CFAP299: variants seen among roughly 807,000 people sequenced by gnomAD.
CFAP299 encodes the protein cilia- and flagella-associated protein 299.
A neutral mutation model predicts 27.0 loss-of-function variants in CFAP299; 21 were observed. That is an observed-to-expected ratio of 0.78 (90% CI 0.55 to 1.12). CFAP299 has a LOEUF of 1.12. CFAP299 is among the 50% of genes most tolerant of loss of function. CFAP299 has a pLI of 0.00. For synonymous variants in CFAP299, 104 were observed against 98.1 expected, an observed-to-expected ratio of 1.06 and a Z score of -0.36; for missense variants, 310 against 276.6, an observed-to-expected ratio of 1.12 and a Z score of -0.86.
chr4:80,875,281 A>T (rs1733311640), intron 4 of CFAP299, among the ~76,000 whole-genome samples: 1 of 152,230 alleles, frequency 6.6e-6, no homozygotes, highest in African/African-American at 2.4e-5. Context: ...TGGCCTGCAC[A>T]ATTGTATGTA....
At chr4:80,743,249 A>G (rs1430343534) in intron 3 of CFAP299, among the ~76,000 whole-genome samples, 1 of 149,706 alleles carries the variant, frequency 6.7e-6, no homozygotes, top group Non-Finnish European at 1.5e-5. Flanking sequence ...TACAAAAAGA[A>G]AAAAAAAAGT....
intron 4 of CFAP299, among the ~76,000 whole-genome samples, chr4:80,877,890 G>A (rs1733499305): frequency 6.6e-6 from 1 of 151,780 alleles, no homozygotes; most frequent in African/African-American, 2.4e-5. Context: ...ATTCTCTTTT[G>A]GTATTTTGGT....
chr4:80,907,815 C>T (rs920549769), intron 4 of CFAP299, among the ~76,000 whole-genome samples: 1 of 152,078 alleles, frequency 6.6e-6, no homozygotes, highest in Non-Finnish European at 1.5e-5. Flanking sequence ...CAAACTTTGT[C>T]AGTTCTCGAA....
intron 4 of CFAP299, among the ~76,000 whole-genome samples, chr4:80,902,145 G>A (rs1405104917): frequency 1.3e-5 from 2 of 151,554 alleles, no homozygotes; most frequent in African/African-American, 4.8e-5. Context: ...TCTTCTATGA[G>A]AAAAATCTGA....
chr4:80,787,243 T>TATATAGTAA (rs1359171014), intron 3 of CFAP299, among the ~76,000 whole-genome samples: 2 of 148,616 alleles, frequency 1.3e-5, no homozygotes, highest in African/African-American at 2.4e-5. Flanking sequence ...ATAATATATA[T>TATATAGTAA]ATATAGTAAA....
At chr4:80,327,314 C>T in the CFAP299 span, among the ~76,000 whole-genome samples, 1 of 152,000 alleles carries the variant, frequency 6.6e-6, no homozygotes, top group Non-Finnish European at 1.5e-5. Flanking sequence ...AAGAAAACAG[C>T]ATGGCCATCA....
At chr4:80,403,943 GATT>G (rs1726288825) in intron 2 of CFAP299, among the ~76,000 whole-genome samples, 1 of 152,080 alleles carries the variant, frequency 6.6e-6, no homozygotes, top group Non-Finnish European at 1.5e-5. Context: ...GTAGCAGTAA[GATT>G]ATTTGTCATT....
chr4:80,384,371 AT>A (rs1724862821), intron 2 of CFAP299, among the ~76,000 whole-genome samples: 1 of 152,198 alleles, frequency 6.6e-6, no homozygotes, highest in African/African-American at 2.4e-5. Flanking sequence ...ATTCATAAAT[AT>A]TTTGAATAAT....
chr4:80,674,941 T>A (rs142895513), intron 3 of CFAP299, among the ~76,000 whole-genome samples: 251 of 152,302 alleles, frequency 1.6e-3, no homozygotes, highest in Non-Finnish European at 2.8e-3. Flanking sequence ...TTTCAAGGTT[T>A]TTAGCTTCCT....
chr4:80,383,141 T>G (rs933095761), intron 2 of CFAP299, among the ~76,000 whole-genome samples: 5 of 151,738 alleles, frequency 3.3e-5, no homozygotes, highest in Non-Finnish European at 7.4e-5. Flanking sequence ...CAGAACACAC[T>G]GACACAAAGA....
At chr4:80,364,089 A>AACACACACACACGCACACACACACACAC (rs1723691911) in intron 2 of CFAP299, among the ~76,000 whole-genome samples, 1 of 110,844 alleles carries the variant, frequency 9.0e-6, no homozygotes, top group Non-Finnish European at 1.8e-5. Flanking sequence ...TCCGTCTCAA[A>AACACACACACACGCACACACACACACAC]ACACACACAC....
At chr4:80,907,008 G>A (rs1735218023) in intron 4 of CFAP299, among the ~76,000 whole-genome samples, 1 of 152,064 alleles carries the variant, frequency 6.6e-6, no homozygotes, top group African/African-American at 2.4e-5. Flanking sequence ...CACATTGTCA[G>A]GCTACAAATT....
intron 1 of CFAP299, among the ~76,000 whole-genome samples, chr4:80,358,304 A>G (rs2125234): frequency 0.84 from 127,589 of 152,140 alleles, 53,664 homozygotes; most frequent in African/African-American, 0.91. Context: ...TGAGAAGAAC[A>G]TACGTTCTGT....
chr4:80,448,855 A>T (rs1457520939), intron 2 of CFAP299, among the ~76,000 whole-genome samples: 2 of 152,186 alleles, frequency 1.3e-5, no homozygotes, highest in African/African-American at 4.8e-5. Flanking sequence ...AACTTACCAA[A>T]CATTTTTCTA....
At chr4:80,657,514 GT>G (rs1325839010) in intron 3 of CFAP299, among the ~76,000 whole-genome samples, 10 of 151,932 alleles carry the variant, frequency 6.6e-5, no homozygotes, top group African/African-American at 2.2e-4. Flanking sequence ...TTTTTGTCAG[GT>G]TTGTCAAAGA....
At chr4:80,955,089 C>A (rs559149625) in intron 5 of CFAP299, among the ~76,000 whole-genome samples, 1 of 147,780 alleles carries the variant, frequency 6.8e-6, no homozygotes, top group Non-Finnish European at 1.5e-5. Flanking sequence ...TATTCAAAGA[C>A]CTGCTTGAGT....
intron 2 of CFAP299, among the ~76,000 whole-genome samples, chr4:80,436,532 G>A (rs1339425780): frequency 6.6e-6 from 1 of 152,088 alleles, no homozygotes; most frequent in Non-Finnish European, 1.5e-5. Flanking sequence ...TCAATCTCCT[G>A]ACCTCATGAT....
intron 3 of CFAP299, among the ~76,000 whole-genome samples, chr4:80,624,610 C>A (rs1409886129): frequency 6.6e-6 from 1 of 151,808 alleles, no homozygotes; most frequent in Admixed American, 6.6e-5. Context: ...TGGAGAAAGA[C>A]ATCAATTTCC....
chr4:80,765,417 A>G (rs1560740145), intron 3 of CFAP299, among the ~76,000 whole-genome samples: 1 of 152,192 alleles, frequency 6.6e-6, no homozygotes. Context: ...TCCCATAGAA[A>G]AAAACAGAAA....
Sources: gnomAD v4.1 joint callset for allele counts (sites outside exome capture counted in the v4.1 genomes callset) on GRCh38, gnomAD v4.1.1 for gene constraint, MANE v1.5 for transcripts, NCBI Gene and HGNC (gene_info 2026-07-23, HGNC 2026-07-21) for gene names.